The following TSHZ2 variants were observed in gnomAD, a reference collection of about 807,000 sequenced individuals.
TSHZ2 encodes teashirt homolog 2.
In TSHZ2, 21 loss-of-function variants were observed where a neutral mutation model predicts 74.4. That is an observed-to-expected ratio of 0.28 (90% CI 0.20 to 0.41). TSHZ2 has a LOEUF of 0.41. Ranked by LOEUF, TSHZ2 falls within the 10% of genes least tolerant of loss-of-function variation. The probability of loss-of-function intolerance (pLI) is 1.00; values close to 1 mark genes in which losing one functional copy is unlikely to be tolerated. For synonymous variants in TSHZ2, 540 were observed against 515.3 expected (o/e 1.05, Z -0.65); for missense variants, 1,244 against 1,293.5 (o/e 0.96, Z 0.59).
At chr20:53,262,152 TG>T (rs1328292781) in intron 2 of TSHZ2, among the ~76,000 whole-genome samples, 3 of 152,088 alleles carry the variant, frequency 2.0e-5, no homozygotes, top group African/African-American at 7.2e-5. Context: ...AAACCCAACC[TG>T]CCACCAAACA....
At chr20:53,443,495 A>G (rs965917275) in intron 2 of TSHZ2, among the ~76,000 whole-genome samples, 9 of 152,208 alleles carry the variant, frequency 5.9e-5, no homozygotes, top group Non-Finnish European at 1.2e-4. Context: ...ATGTCCATGC[A>G]AAGGGCAACA....
At chr20:53,048,079 A>C (rs1984292232) in intron 1 of TSHZ2, among the ~76,000 whole-genome samples, 1 of 152,172 alleles carries the variant, frequency 6.6e-6, no homozygotes, top group South Asian at 2.1e-4. Context: ...GCTTGAATAC[A>C]GCTGGCGCTG....
At chr20:53,133,933 C>T (rs1262652975) in intron 1 of TSHZ2, among the ~76,000 whole-genome samples, 1 of 138,282 alleles carries the variant, frequency 7.2e-6, no homozygotes, top group Non-Finnish European at 1.5e-5. Context: ...AAATGTTGTC[C>T]TTGCATTCTT....
chr20:53,472,795 T>C (rs1454903387), intron 2 of TSHZ2, among the ~76,000 whole-genome samples: 1 of 150,928 alleles, frequency 6.6e-6, no homozygotes, highest in African/African-American at 2.4e-5. Context: ...GGTCAGTGGG[T>C]GCGCGCACCG....
intron 1 of TSHZ2, among the ~76,000 whole-genome samples, chr20:53,001,234 G>GTGTGTGTATGTGTGTGTGTGTGTGTGTA (rs1982423974): frequency 1.5e-5 from 2 of 137,728 alleles, no homozygotes; most frequent in African/African-American, 2.7e-5. Flanking sequence ...GTGTGTGTGT[G>GTGTGTGTATGTGTGTGTGTGTGTGTGTA]TGTGTGTGTG....
chr20:53,323,221 T>G (rs1285827200), intron 2 of TSHZ2, among the ~76,000 whole-genome samples: 4 of 152,180 alleles, frequency 2.6e-5, no homozygotes, highest in Admixed American at 1.3e-4. Context: ...GAGGCACCTA[T>G]CTGAGCTGCT....
chr20:53,458,302 C>T (rs1011315787), intron 2 of TSHZ2, among the ~76,000 whole-genome samples: 2 of 150,166 alleles, frequency 1.3e-5, no homozygotes, highest in African/African-American at 2.4e-5. Context: ...GTGTATGTGT[C>T]GAGGAATTTA....
chr20:52,990,558 T>C (rs1981943630), intron 1 of TSHZ2, among the ~76,000 whole-genome samples: 1 of 152,180 alleles, frequency 6.6e-6, no homozygotes, highest in Non-Finnish European at 1.5e-5. Flanking sequence ...GCTTCAGAGC[T>C]GGCCAGCTAC....
At chr20:53,019,363 C>G (rs1272871320) in intron 1 of TSHZ2, among the ~76,000 whole-genome samples, 1 of 152,016 alleles carries the variant, frequency 6.6e-6, no homozygotes, top group African/African-American at 2.4e-5. Context: ...AGTCACTATC[C>G]TATATGGCAA....
intron 1 of TSHZ2, among the ~76,000 whole-genome samples, chr20:53,023,619 G>GT (rs59361462): frequency 2.2e-3 from 183 of 82,442 alleles, no homozygotes; most frequent in Non-Finnish European, 3.0e-3. Flanking sequence ...CTCGTTTTTT[G>GT]TTTTTTTTTT....
At chr20:53,185,605 G>A in intron 1 of TSHZ2, 4 of 1,533,270 alleles carry the variant, frequency 2.6e-6, no homozygotes, top group Non-Finnish European at 2.6e-6. Flanking sequence ...GGGATACAGA[G>A]CAAGACTCCA....
At chr20:53,446,595 AGAG>A (rs1370773853) in intron 2 of TSHZ2, among the ~76,000 whole-genome samples, 40 of 143,358 alleles carry the variant, frequency 2.8e-4, no homozygotes, top group Middle Eastern at 3.8e-3. Context: ...AAAAAAAAAA[AGAG>A]AGAGAAGGAA....
At chr20:53,174,650 T>A (rs1030147701) in intron 1 of TSHZ2, among the ~76,000 whole-genome samples, 2 of 152,230 alleles carry the variant, frequency 1.3e-5, no homozygotes, top group Non-Finnish European at 2.9e-5. Flanking sequence ...TTAGCTATCA[T>A]GACGCCTGTG....
intron 2 of TSHZ2, among the ~76,000 whole-genome samples, chr20:53,291,061 T>C (rs1338500691): frequency 6.6e-6 from 1 of 152,122 alleles, no homozygotes; most frequent in African/African-American, 2.4e-5. Context: ...TGAGGGTAGA[T>C]GTGAGCGTAG....
rs1434242991 is a variant in TSHZ2, at chr20:53,317,659, G to A, written c.*8+61088G>A. Among the ~76,000 whole-genome samples, 7 of 152,330 alleles carry A rather than the reference G, an allele frequency of 4.6e-5. No individual in the cohort carries two copies. In the East Asian group the frequency reaches 1.3e-3, roughly 29 times the overall value. ...GGCAGCAAGAATACAAATTTCTGCA[G>A]CATGCATGGATTTTACAAGAAGAGT... is the stretch of plus-strand genomic sequence containing the variant. On this transcript the variant is annotated intron_variant, in intron 2 of 2. Transcript: ENST00000371497.
chr20:53,034,340 A>G (rs1337030020), intron 1 of TSHZ2, among the ~76,000 whole-genome samples: 1 of 152,214 alleles, frequency 6.6e-6, no homozygotes, highest in African/African-American at 2.4e-5. Context: ...TATTATCAAT[A>G]GCTTTTATTA....
At chr20:53,400,218 G>A (rs1447315845) in intron 2 of TSHZ2, 1 of 152,262 alleles carries the variant, frequency 6.6e-6, no homozygotes, top group African/African-American at 2.4e-5. Context: ...GCCACACGTT[G>A]TAGAGCCCTC....
rs1447222462 is a variant in TSHZ2, at chr20:53,255,407, C to T, written c.1949C>T (p.Pro650Leu). 5 of 1,613,636 alleles carry T rather than the reference C, an allele frequency of 3.1e-6. No homozygotes were observed. The South Asian group carries it at 4.4e-5, about 14-fold the overall frequency. The change falls in exon 2 of 3, where the codon CCC becomes CTC. Residue 650 changes from proline to leucine, a missense_variant. Around this residue, in one of 6 missense-constraint regions of TSHZ2, gnomAD observed 562 missense variants for 544.0 expected, o/e 1.03. Transcript: ENST00000371497. The surrounding 1 kb of genome is among the most constrained non-coding windows in gnomAD (Gnocchi z 4.1). Reference sequence around the variant, plus strand: ...GAAGCCAAAAAGACCGAGCTGGGTCCCCTGAAGGAGGAGGAGAAGCTGATG... The same window carrying T: ...GAAGCCAAAAAGACCGAGCTGGGTCTCCTGAAGGAGGAGGAGAAGCTGATG... ...PPEAKKTELG[P>L]LKEEEKLMKE...
intron 1 of TSHZ2, among the ~76,000 whole-genome samples, chr20:52,977,972 C>A (rs1278870813): frequency 6.6e-6 from 1 of 152,102 alleles, no homozygotes; most frequent in African/African-American, 2.4e-5. Context: ...TCTTTATCTC[C>A]CAGTTGCCCA....
Sources: gnomAD v4.1 joint callset for allele counts (sites outside exome capture counted in the v4.1 genomes callset) on GRCh38, gnomAD v4.1.1 for gene constraint, gnomAD v4.1.1 regional missense constraint, Gnocchi (gnomAD v3.1) non-coding constraint, MANE v1.5 for transcripts, NCBI Gene and HGNC (gene_info 2026-07-23, HGNC 2026-07-21) for gene names.